Variants in SOX5 observed in about 807,000 individuals in gnomAD.
SOX5 encodes SRY-box transcription factor 5.
In SOX5, 9 loss-of-function variants were observed where a neutral mutation model predicts 92.0. The observed-to-expected ratio is 0.10, with a 90% CI of 0.06 to 0.17. SOX5 has a LOEUF of 0.17. Ranked by LOEUF, SOX5 falls within the 10% of genes least tolerant of loss-of-function variation. The pLI is 1.00. For synonymous variants in SOX5, 344 were observed against 336.3 expected (o/e 1.02, Z -0.25); for missense variants, 642 against 944.5 (o/e 0.68, Z 4.20).
chr12:24,462,123 C>T (rs1943703368), intron 1 of SOX5, among the ~76,000 whole-genome samples: 1 of 152,212 alleles, frequency 6.6e-6, no homozygotes, highest in Non-Finnish European at 1.5e-5. Flanking sequence ...GTGAATATCA[C>T]AGTGTACTTA....
Position 23,563,127 on chromosome 12 carries a change from A to T in SOX5, c.1488+131T>A, listed in dbSNP as rs962145215. The T allele has an allele frequency of 5.5e-6, 4 of 732,950 alleles. No homozygotes were observed. The African/African-American group carries it at 7.2e-5, about 13-fold the overall frequency. 45.4% of individuals were successfully genotyped at this position (732,950 alleles called of 1,614,324 possible). A position where few individuals can be genotyped will look rare whatever the true frequency, so the allele number is the denominator to read the frequency against. On this transcript the variant is annotated intron_variant, in intron 11 of 14. Transcript: ENST00000451604. ...TTAGGATGGCGATGAGGCCTTCTATATTAATGGAGGGAGAAAAGGGACAGA... is the reference window on the plus strand; with the variant it reads ...TTAGGATGGCGATGAGGCCTTCTATTTTAATGGAGGGAGAAAAGGGACAGA...
intron 1 of SOX5, among the ~76,000 whole-genome samples, chr12:24,418,302 C>T (rs1965366525): frequency 6.6e-6 from 1 of 152,216 alleles, no homozygotes; most frequent in South Asian, 2.1e-4. Context: ...GAAGTAGATT[C>T]TGCAAAGTTT....
At chr12:24,313,984 C>T (rs1309718780) in intron 2 of SOX5, among the ~76,000 whole-genome samples, 1 of 152,110 alleles carries the variant, frequency 6.6e-6, no homozygotes, top group African/African-American at 2.4e-5. Context: ...TTCTCACACA[C>T]TCAGTCTTCA....
intron 1 of SOX5, among the ~76,000 whole-genome samples, chr12:24,439,041 G>C (rs373927632): frequency 6.6e-6 from 1 of 152,256 alleles, no homozygotes; most frequent in South Asian, 2.1e-4. Flanking sequence ...CTTTATTGTT[G>C]TCTTAGGTTA....
At chr12:24,482,990 T>A (rs1401340731) in intron 1 of SOX5, among the ~76,000 whole-genome samples, 2 of 152,166 alleles carry the variant, frequency 1.3e-5, no homozygotes, top group Non-Finnish European at 1.5e-5. Flanking sequence ...GTAAAAAACA[T>A]ATTTCCCTGC....
At chr12:23,699,970 C>T (rs1180793344) in intron 6 of SOX5, among the ~76,000 whole-genome samples, 1 of 152,046 alleles carries the variant, frequency 6.6e-6, no homozygotes, top group Non-Finnish European at 1.5e-5. Context: ...ATGTGACTTG[C>T]TCTGTTTTAT....
intron 10 of SOX5, among the ~76,000 whole-genome samples, chr12:23,571,234 C>T (rs181616233): frequency 1.3e-5 from 2 of 151,868 alleles, no homozygotes; most frequent in Admixed American, 6.6e-5. Flanking sequence ...TTTAAGTCAT[C>T]GTGTCTTAAC....
At chr12:24,151,235 G>T (rs1951623066) in intron 4 of SOX5, among the ~76,000 whole-genome samples, 1 of 152,084 alleles carries the variant, frequency 6.6e-6, no homozygotes, top group East Asian at 1.9e-4. Flanking sequence ...CCTGGTTAGA[G>T]GAGGAGAGGG....
chr12:24,443,205 G>C (rs746492548), intron 1 of SOX5, among the ~76,000 whole-genome samples: 51 of 152,196 alleles, frequency 3.4e-4, no homozygotes, highest in Non-Finnish European at 7.1e-4. Context: ...GCCCCACCTC[G>C]GCCTTCCAAA....
At chr12:23,840,424 G>A (rs1419313569) in intron 3 of SOX5, among the ~76,000 whole-genome samples, 1 of 152,024 alleles carries the variant, frequency 6.6e-6, no homozygotes. Flanking sequence ...TGATCTAGAG[G>A]TATAACACAA....
chr12:23,562,454 T>C (rs1946378093), intron 11 of SOX5, among the ~76,000 whole-genome samples: 1 of 152,230 alleles, frequency 6.6e-6, no homozygotes, highest in African/African-American at 2.4e-5. Context: ...CCCATTATGA[T>C]TAACTTTCCA....
At chr12:23,697,616 T>C (rs534641093) in intron 6 of SOX5, among the ~76,000 whole-genome samples, 2 of 152,342 alleles carry the variant, frequency 1.3e-5, no homozygotes, top group Admixed American at 1.3e-4. Flanking sequence ...TGTGGTGCTA[T>C]GGCAGCTCAC....
In SOX5 at chr12:23,925,066, C is replaced by T. The variant is rs529493995; in HGVS notation, c.38+24498G>A. 6.6e-5 allele frequency among the ~76,000 whole-genome samples: 10 copies of T among 151,898 alleles called. 1 individual carries two copies. In the South Asian group the frequency reaches 1.5e-3, roughly 22 times the overall value. On this transcript the variant is annotated intron_variant, in intron 1 of 14. Transcript: ENST00000451604. ...ATGGTGTATTGTTCATGTATCATGC[C>T]AACAAATTATCACAAATATATTACC...
intron 4 of SOX5, among the ~76,000 whole-genome samples, chr12:24,021,707 G>A (rs1171827164): frequency 6.6e-6 from 1 of 152,146 alleles, no homozygotes; most frequent in African/African-American, 2.4e-5. Flanking sequence ...ATCCTTCTAT[G>A]AGATGATTCA....
Position 23,836,936 on chromosome 12 carries a change from T to C in SOX5, c.481+9047A>G, listed in dbSNP as rs2096423974. 2.0e-5 allele frequency among the ~76,000 whole-genome samples: 3 copies of C among 151,760 alleles called. No homozygotes were observed. In the Admixed American group the frequency reaches 2.0e-4, roughly 10 times the overall value. On this transcript the variant is annotated intron_variant, in intron 3 of 14. Coordinates refer to ENST00000451604, the MANE Select transcript of SOX5 (RefSeq NM_006940.6). Reference sequence around the variant, plus strand: ...ATTACAGAGCTATGAAAATATTTTGTAGTTTTTAGAGTATAAGTTTTTTAG... The same window carrying C: ...ATTACAGAGCTATGAAAATATTTTGCAGTTTTTAGAGTATAAGTTTTTTAG...
At chr12:23,687,425 G>A (rs1237100375) in intron 6 of SOX5, among the ~76,000 whole-genome samples, 1 of 151,928 alleles carries the variant, frequency 6.6e-6, no homozygotes, top group Non-Finnish European at 1.5e-5. Context: ...AGAAACAACA[G>A]CATTGCGTTT....
intron 1 of SOX5, among the ~76,000 whole-genome samples, chr12:23,948,813 A>G (rs1371298510): frequency 6.6e-6 from 1 of 152,178 alleles, no homozygotes; most frequent in East Asian, 1.9e-4. Context: ...AGGATGCTGC[A>G]GATATTTCTC....
intron 1 of SOX5, among the ~76,000 whole-genome samples, chr12:24,538,635 AC>A (rs1416225808): frequency 6.7e-6 from 1 of 148,772 alleles, no homozygotes; most frequent in Non-Finnish European, 1.5e-5. Context: ...ACACACACAC[AC>A]ACTACACGAT....
chr12:23,584,615 T>C (rs1160830616), intron 9 of SOX5: 1 of 1,602,904 alleles, frequency 6.2e-7, no homozygotes, highest in African/African-American at 1.3e-5. Flanking sequence ...GACTGTTTAA[T>C]GAGTAATGAC....
Sources: gnomAD v4.1 joint callset for allele counts (sites outside exome capture counted in the v4.1 genomes callset) on GRCh38, gnomAD v4.1.1 for gene constraint, MANE v1.5 for transcripts, NCBI Gene and HGNC (gene_info 2026-07-23, HGNC 2026-07-21) for gene names.